Variants in BSN observed in about 807,000 individuals in gnomAD.
BSN encodes the protein protein bassoon.
A neutral mutation model predicts 264.8 loss-of-function variants in BSN; 57 were observed. The ratio of observed to expected loss-of-function variants is 0.22; its 90% confidence interval spans 0.17 to 0.27. The LOEUF is 0.27. BSN is among the 10% of genes least tolerant of loss of function. The pLI is 1.00. For synonymous variants in BSN, 2,059 were observed against 2,137.3 expected (o/e 0.96, Z 1.01); for missense variants, 4,615 against 5,232.5 (o/e 0.88, Z 3.64).
chr3:49,657,235 C>T lies in BSN; in HGVS notation c.7679C>T (p.Pro2560Leu), dbSNP rs2052613459. 6.2e-7 allele frequency: 1 copy of T among 1,613,392 alleles called. No homozygotes were observed. Among genetic ancestry groups the T allele is most frequent in the Non-Finnish European group, 8.5e-7 (1 of 1,180,044 alleles). ...GGCATCAAGAAGCGGCACTCCATGC[C>T]ACGCCTGCGGGATGCCTGTGAGCTA... Reference protein sequence around the residue: ...RSGIKKRHSMPRLRDACELES... With the variant: ...RSGIKKRHSMLRLRDACELES... Residue 2560 changes from proline (P) to leucine (L), a missense_variant, in exon 5 of 12, where the codon CCA (proline) becomes CTA (leucine). Transcript: ENST00000296452.
In BSN at chr3:49,664,568, G is replaced by A; in HGVS notation, c.11740+14G>A. The A allele has an allele frequency of 6.3e-7, 1 of 1,585,286 alleles. No individual in the cohort carries two copies. Among genetic ancestry groups the A allele is most frequent in the Non-Finnish European group, 8.6e-7 (1 of 1,166,404 alleles). ...AACTGACGGAAGGTATGCACTGCCT[G>A]CAACTGGTCTGTGGTGGGTGGCTAC... On this transcript the variant is annotated intron_variant, in intron 9 of 11. Transcript: ENST00000296452.
intron 1 of BSN, among the ~76,000 whole-genome samples, chr3:49,610,211 C>T (rs997939445): frequency 1.3e-5 from 2 of 152,224 alleles, no homozygotes; most frequent in African/African-American, 4.8e-5. Flanking sequence ...TTCAAGTTCC[C>T]ATGCTTTTGT....
Position 49,653,278 on chromosome 3 carries a change from C to G in BSN, c.3722C>G (p.Ala1241Gly), listed in dbSNP as rs1575448442. 1 of 1,611,780 alleles carries G rather than the reference C, an allele frequency of 6.2e-7. No homozygotes were observed. The highest frequency in any genetic ancestry group is 8.5e-7 in the Non-Finnish European group (1 of 1,179,810). Residue 1241 changes from alanine (A) to glycine (G), a missense_variant, in exon 5 of 12, where the codon GCT becomes GGT. Ala to Gly is a moderately conservative substitution (Grantham distance 60). Transcript: ENST00000296452. The surrounding 1 kb of genome is among the most constrained non-coding windows in gnomAD (Gnocchi z 6.3). ...ACAGACCGTGAGTATGGCCAGGCTGCTCAGCCTGCCGCAGAGGGCACGCCA... is the reference window on the plus strand; with the variant it reads ...ACAGACCGTGAGTATGGCCAGGCTGGTCAGCCTGCCGCAGAGGGCACGCCA... Reference protein sequence around the residue: ...DTTDREYGQAAQPAAEGTPAS... With the variant: ...DTTDREYGQAGQPAAEGTPAS...
chr3:49,590,021 A>G (rs1192993664), intron 1 of BSN, among the ~76,000 whole-genome samples: 3 of 151,990 alleles, frequency 2.0e-5, no homozygotes, highest in Non-Finnish European at 4.4e-5. Flanking sequence ...TATTTTTAGT[A>G]GAGACGGGGT....
intron 1 of BSN, among the ~76,000 whole-genome samples, chr3:49,616,167 G>A (rs1013918744): frequency 6.6e-6 from 1 of 152,212 alleles, no homozygotes; most frequent in Non-Finnish European, 1.5e-5. Context: ...GGCTGGGCAG[G>A]CCAGGATATG....
chr3:49,557,787 G>A (rs865946157), intron 1 of BSN, among the ~76,000 whole-genome samples: 1 of 151,956 alleles, frequency 6.6e-6, no homozygotes, highest in Non-Finnish European at 1.5e-5. Context: ...CCGTGGTCTC[G>A]ATCTCCTAAC....
intron 1 of BSN, among the ~76,000 whole-genome samples, chr3:49,588,432 A>T (rs2051952200): frequency 6.6e-6 from 1 of 152,068 alleles, no homozygotes; most frequent in African/African-American, 2.4e-5. Context: ...GGCTTTCATT[A>T]TTTTGAGGTA....
intron 1 of BSN, among the ~76,000 whole-genome samples, chr3:49,593,676 T>C (rs936386991): frequency 2.0e-5 from 3 of 152,134 alleles, no homozygotes; most frequent in East Asian, 1.9e-4. Context: ...CTTTTTGCCA[T>C]GTGTGTATCC....
rs1257694552 is a variant in BSN at position 49,628,707 on chromosome 3, A to G, written c.633+3324A>G. ...GGAGCTCAGAGCACAGTCCCTGTTTACAGATGAGGAGACTGAGTCTTAGGA... is the reference window on the plus strand; with the variant it reads ...GGAGCTCAGAGCACAGTCCCTGTTTGCAGATGAGGAGACTGAGTCTTAGGA... On this transcript the variant is annotated intron_variant, in intron 2 of 11. Coordinates refer to ENST00000296452, the MANE Select transcript of BSN (RefSeq NM_003458.4). 2.0e-5 allele frequency among the ~76,000 whole-genome samples: 3 copies of G among 152,328 alleles called. No individual in the cohort carries two copies. The East Asian group carries it at 5.8e-4, about 29-fold the overall frequency.
chr3:49,554,612 G>T lies in BSN; in HGVS notation c.10G>T (p.Glu4Ter). Residue 4 changes from glutamate to a stop codon, truncating the protein, a stop_gained, in exon 1 of 12, where the codon GAG becomes TAG. Coordinates refer to ENST00000296452, the MANE Select transcript of BSN (RefSeq NM_003458.4). LOFTEE classifies it high-confidence loss of function. ...CGCCCGCCTGCCCGCCATGGGCAACGAGGTCAGCCTGGAGGGCGGCGCTGG... is the reference window on the plus strand; with the variant it reads ...CGCCCGCCTGCCCGCCATGGGCAACTAGGTCAGCCTGGAGGGCGGCGCTGG... MGN[E>*]VSLEGGAGDG... The T allele has an allele frequency of 1.0e-6, 1 of 987,330 alleles. No individual in the cohort carries two copies. The highest frequency in any genetic ancestry group is 4.4e-5 in the South Asian group (1 of 22,480). 61.2% of individuals were successfully genotyped at this position (987,330 alleles called of 1,614,324 possible).
At position 49,662,370 on chromosome 3, in the gene BSN, A is replaced by G; in HGVS notation, c.10525A>G (p.Ser3509Gly). The G allele has an allele frequency of 3.1e-6, 5 of 1,613,542 alleles. No individual in the cohort carries two copies. The highest frequency in any genetic ancestry group is 3.4e-6 in the Non-Finnish European group (4 of 1,179,858). Residue 3509 changes from serine (S) to glycine (G), a missense_variant, in exon 6 of 12, where the codon AGT becomes GGT. Transcript: ENST00000296452. ...SQASEEESPV[S>G]PLGRPRPAGG... Reference sequence around the variant, plus strand: ...GGCCTCTGAAGAGGAGAGCCCCGTCAGTCCTTTGGGGAGGCCCCGCCCTGC... The same window carrying G: ...GGCCTCTGAAGAGGAGAGCCCCGTCGGTCCTTTGGGGAGGCCCCGCCCTGC...
chr3:49,597,062 C>T (rs1458654940), intron 1 of BSN, among the ~76,000 whole-genome samples: 2 of 152,140 alleles, frequency 1.3e-5, no homozygotes, highest in Non-Finnish European at 2.9e-5. Flanking sequence ...TTAATGTTTT[C>T]ATCAAATGTG....
chr3:49,650,055 G>C (rs762075569), intron 3 of BSN, among the ~76,000 whole-genome samples: 2 of 152,196 alleles, frequency 1.3e-5, no homozygotes, highest in Non-Finnish European at 2.9e-5. Context: ...GTTACTCCCA[G>C]ACAGCCTCCC....
In BSN at chr3:49,671,035, G is replaced by C. The variant is rs1316709362; in HGVS notation, c.*3550G>C. The stretch of plus-strand genomic sequence containing the variant: ...GAAACTCCTCGGAGATGCCATCTCT[G>C]TCTCCCTGGGTGCCAGCAGCCCTGC... On this transcript the variant is annotated 3_prime_UTR_variant, in exon 12 of 12. Coordinates refer to ENST00000296452, the MANE Select transcript of BSN (RefSeq NM_003458.4). This position sits in a 1 kb window ranked among gnomAD's most constrained non-coding sequence, Gnocchi z 4.1. The C allele has an allele frequency of 6.6e-6, 1 of 152,264 alleles. No homozygotes were observed. The highest frequency in any genetic ancestry group is 1.5e-5 in the Non-Finnish European group (1 of 68,076). The allele number at this position is 152,264 out of a possible 1,614,324, so 9.4% of individuals were successfully genotyped here. A position where few individuals can be genotyped will look rare whatever the true frequency, so the allele number is the denominator to read the frequency against.
Position 49,651,543 on chromosome 3 carries a change from G to A in BSN, c.1987G>A (p.Asp663Asn). 1.9e-6 allele frequency: 3 copies of A among 1,555,390 alleles called. No individual in the cohort carries two copies. Among genetic ancestry groups the A allele is most frequent in the Non-Finnish European group, 2.6e-6 (3 of 1,148,486 alleles). The change falls in exon 5 of 12, where the codon GAC (aspartate) becomes AAC (asparagine). Residue 663 changes from aspartate (D) to asparagine (N), a missense_variant and splice_region_variant. Coordinates refer to ENST00000296452, the MANE Select transcript of BSN (RefSeq NM_003458.4). The surrounding 1 kb of genome is among the most constrained non-coding windows in gnomAD (Gnocchi z 5.4). ...PEAPKGGEAE[D>N]LVGKPYSQDA... Reference sequence around the variant, plus strand: ...GTGTCTGCTTTTCACCCTGCTGCAGGACCTGGTGGGCAAGCCTTACTCTCA... The same window carrying A: ...GTGTCTGCTTTTCACCCTGCTGCAGAACCTGGTGGGCAAGCCTTACTCTCA...
At chr3:49,639,198 T>C (rs2052441974) in intron 2 of BSN, among the ~76,000 whole-genome samples, 1 of 138,838 alleles carries the variant, frequency 7.2e-6, no homozygotes, top group African/African-American at 2.7e-5. Context: ...TCTTTCTTTT[T>C]CTTTTTTTTT....
chr3:49,601,297 C>T (rs1037240517), intron 1 of BSN, among the ~76,000 whole-genome samples: 2 of 152,170 alleles, frequency 1.3e-5, no homozygotes, highest in Admixed American at 6.5e-5. Flanking sequence ...AGGTGGCAAT[C>T]GTTAGAGCCA....
At position 49,661,361 on chromosome 3, in the gene BSN, T is replaced by C. The variant is rs2108094977; in HGVS notation, c.9516T>C (p.Ser3172=). ...TCGCCAGCCCCGTTGTGCCCATGTCTTCAGCCCCATCTGAAACCAGCTACA... is the reference window on the plus strand; with the variant it reads ...TCGCCAGCCCCGTTGTGCCCATGTCCTCAGCCCCATCTGAAACCAGCTACA... The part of the protein sequence containing the change: ...EVIASPVVPM[S]SAPSETSYSG... Residue 3172 remains serine (S), a synonymous_variant, in exon 6 of 12, where the codon TCT becomes TCC. Coordinates refer to ENST00000296452, the MANE Select transcript of BSN (RefSeq NM_003458.4). 6.2e-7 allele frequency: 1 copy of C among 1,613,984 alleles called. No individual in the cohort carries two copies. Among genetic ancestry groups the C allele is most frequent in the African/African-American group, 1.3e-5 (1 of 75,042 alleles).
At position 49,643,035 on chromosome 3, in the gene BSN, G is replaced by A. The variant is rs745886092; in HGVS notation, c.1401G>A (p.Leu467=). 3 of 1,614,068 alleles carry A rather than the reference G, an allele frequency of 1.9e-6. No homozygotes were observed. Among genetic ancestry groups the A allele is most frequent in the Middle Eastern group, 1.6e-4 (1 of 6,062 alleles). ...CGAAGGAAAGGGCCATCTGCCCACT[G>A]TGCCAAGCCGAGCTCAACGTGGGCA... ...TMPKERAICP[L]CQAELNVGSK... The change falls in exon 3 of 12, where the codon CTG becomes CTA. Residue 467 remains leucine (L), a synonymous_variant. Coordinates refer to ENST00000296452, the MANE Select transcript of BSN (RefSeq NM_003458.4).
Sources: gnomAD v4.1 joint callset for allele counts (sites outside exome capture counted in the v4.1 genomes callset) on GRCh38, gnomAD v4.1.1 for gene constraint, Gnocchi (gnomAD v3.1) non-coding constraint, MANE v1.5 for transcripts, NCBI Gene and HGNC (gene_info 2026-07-23, HGNC 2026-07-21) for gene names.